The following KLHL1 variants were observed in gnomAD, a reference collection of about 807,000 sequenced individuals.
The protein encoded by KLHL1 is kelch like family member 1.
KLHL1 carries 47 observed loss-of-function variants against 77.7 expected under a neutral mutation model. The ratio of observed to expected loss-of-function variants is 0.60; its 90% CI spans 0.48 to 0.77. The LOEUF is 0.77. Among genes scored for constraint, KLHL1 ranks in the 30% least tolerant of loss-of-function variants. The pLI, the probability that KLHL1 is intolerant of heterozygous loss-of-function variation, is 0.00. For synonymous variants in KLHL1, 360 were observed against 325.2 expected, an observed-to-expected ratio of 1.11 and a Z score of -1.15; for missense variants, 925 against 910.8, an observed-to-expected ratio of 1.02 and a Z score of -0.20.
At chr13:69,869,350 C>T (rs921609434) in intron 5 of KLHL1, among the ~76,000 whole-genome samples, 2 of 151,844 alleles carry the variant, frequency 1.3e-5, no homozygotes, top group Non-Finnish European at 2.9e-5. Flanking sequence ...AATATGTGCA[C>T]TATTTTCTTA....
chr13:69,899,026 T>C (rs1435478351), intron 4 of KLHL1, among the ~76,000 whole-genome samples: 1 of 152,136 alleles, frequency 6.6e-6, no homozygotes, highest in Non-Finnish European at 1.5e-5. Context: ...ACATTTTTTT[T>C]TTTTTTTGTG....
chr13:69,984,812 A>G (rs533613604), intron 1 of KLHL1, among the ~76,000 whole-genome samples: 1 of 152,246 alleles, frequency 6.6e-6, no homozygotes, highest in African/African-American at 2.4e-5. Flanking sequence ...ATATCAACCT[A>G]AAAACTTCTG....
rs187497662 is a variant in KLHL1, at chr13:70,053,291, T to C, written c.497+53912A>G. Among the ~76,000 whole-genome samples, 622 of 152,166 alleles carry C rather than the reference T, an allele frequency of 4.1e-3. 7 individuals carry two copies. Among genetic ancestry groups the C allele is most frequent in the African/African-American group, 0.015 (603 of 41,544 alleles). ...ACAGATTTGAGGGAATCTTAAATGGTAAATGAGTAATATAAGATGTGAAAG... is the reference window on the plus strand; with the variant it reads ...ACAGATTTGAGGGAATCTTAAATGGCAAATGAGTAATATAAGATGTGAAAG... On this transcript the variant is annotated intron_variant, in intron 1 of 10. Coordinates refer to ENST00000377844, the MANE Select transcript of KLHL1 (RefSeq NM_020866.3).
At chr13:69,759,977 C>T (rs1874943075) in intron 7 of KLHL1, among the ~76,000 whole-genome samples, 1 of 152,174 alleles carries the variant, frequency 6.6e-6, no homozygotes, top group South Asian at 2.1e-4. Context: ...AAACCCTCCT[C>T]TCTTCCAGTG....
intron 1 of KLHL1, among the ~76,000 whole-genome samples, chr13:70,096,846 T>C (rs1407695051): frequency 1.3e-5 from 2 of 151,972 alleles, no homozygotes; most frequent in African/African-American, 4.8e-5. Flanking sequence ...AGAGGGAATC[T>C]TCTCAGCAAA....
At chr13:69,708,107 G>T (rs1049443587) in intron 9 of KLHL1, among the ~76,000 whole-genome samples, 2 of 151,856 alleles carry the variant, frequency 1.3e-5, no homozygotes, top group African/African-American at 2.4e-5. Flanking sequence ...TAGAATTAGG[G>T]TATTTAAAAC....
At chr13:70,049,583 T>C (rs1376317240) in intron 1 of KLHL1, among the ~76,000 whole-genome samples, 1 of 152,198 alleles carries the variant, frequency 6.6e-6, no homozygotes, top group Non-Finnish European at 1.5e-5. Context: ...TACATACTAA[T>C]ATAGGCTATG....
At chr13:69,993,339 C>A (rs1039651046) in intron 1 of KLHL1, among the ~76,000 whole-genome samples, 11 of 151,990 alleles carry the variant, frequency 7.2e-5, no homozygotes, top group African/African-American at 2.7e-4. Context: ...CTCCACCTGG[C>A]AATCTTCATT....
chr13:69,925,381 A>G (rs116878539), intron 4 of KLHL1, among the ~76,000 whole-genome samples: 1,940 of 152,308 alleles, frequency 0.013, 13 homozygotes, highest in Non-Finnish European at 0.02. Flanking sequence ...ACAGTCTGGC[A>G]TATAATAATC....
chr13:69,759,595 A>G (rs988128641), intron 7 of KLHL1, among the ~76,000 whole-genome samples: 12 of 152,202 alleles, frequency 7.9e-5, no homozygotes, highest in Admixed American at 3.9e-4. Context: ...AAGTTTCATT[A>G]AGATTTTTTA....
At chr13:70,020,720 T>C (rs1336083389) in intron 1 of KLHL1, among the ~76,000 whole-genome samples, 1 of 152,126 alleles carries the variant, frequency 6.6e-6, no homozygotes, top group Non-Finnish European at 1.5e-5. Flanking sequence ...CCTTTTTACA[T>C]ATACTGAAGT....
At chr13:69,945,287 A>G (rs1391471147) in intron 3 of KLHL1, among the ~76,000 whole-genome samples, 1 of 151,892 alleles carries the variant, frequency 6.6e-6, no homozygotes, top group Non-Finnish European at 1.5e-5. Flanking sequence ...TAAAACTTCC[A>G]TAACCAAACT....
At chr13:70,012,651 C>A in intron 1 of KLHL1, among the ~76,000 whole-genome samples, 1 of 152,174 alleles carries the variant, frequency 6.6e-6, no homozygotes, top group East Asian at 1.9e-4. Flanking sequence ...TGGCTCATGC[C>A]TGTAATCCCA....
chr13:69,793,773 C>T (rs1003068996), intron 7 of KLHL1, among the ~76,000 whole-genome samples: 6 of 151,940 alleles, frequency 3.9e-5, no homozygotes, highest in African/African-American at 1.2e-4. Flanking sequence ...CCAATCCTGC[C>T]GATTATACTG....
At chr13:70,096,247 T>C (rs1887785834) in intron 1 of KLHL1, among the ~76,000 whole-genome samples, 1 of 152,060 alleles carries the variant, frequency 6.6e-6, no homozygotes, top group Admixed American at 6.6e-5. Flanking sequence ...GTTCTATTTT[T>C]AGTTTTCTGA....
intron 1 of KLHL1, among the ~76,000 whole-genome samples, chr13:69,991,525 A>C (rs1364444096): frequency 6.6e-6 from 1 of 152,016 alleles, no homozygotes; most frequent in East Asian, 1.9e-4. Flanking sequence ...AAATACAAAT[A>C]ACCATTAGAG....
chr13:70,038,043 C>G (rs1886281547), intron 1 of KLHL1, among the ~76,000 whole-genome samples: 1 of 152,070 alleles, frequency 6.6e-6, no homozygotes, highest in Admixed American at 6.5e-5. Flanking sequence ...TTACACTTAC[C>G]TTTTCCCTGC....
chr13:69,738,108 T>G (rs1013041935), intron 8 of KLHL1, among the ~76,000 whole-genome samples: 4 of 152,040 alleles, frequency 2.6e-5, no homozygotes, highest in Non-Finnish European at 5.9e-5. Flanking sequence ...CCCAGGCAGA[T>G]AGCATCTGAA....
intron 6 of KLHL1, among the ~76,000 whole-genome samples, chr13:69,833,747 G>GTATATATA (rs71196266): frequency 2.7e-4 from 38 of 142,344 alleles, no homozygotes; most frequent in African/African-American, 7.3e-4. Context: ...AGAAATAATG[G>GTATATATA]TATATATATA....
Sources: allele counts gnomAD v4.1 joint callset (sites outside exome capture counted in the v4.1 genomes callset), GRCh38; gene constraint gnomAD v4.1.1; transcripts MANE v1.5; gene names NCBI Gene and HGNC (gene_info 2026-07-23, HGNC 2026-07-21).